Variants in PRELID2 observed in about 807,000 individuals in gnomAD.
PRELID2 encodes PRELI domain-containing protein 2.
PRELID2 carries 25 observed loss-of-function variants against 28.4 expected under a neutral mutation model. The observed-to-expected ratio is 0.88, with a 90% CI of 0.64 to 1.23. The LOEUF (loss-of-function observed/expected upper bound fraction) is 1.23. Among genes scored for constraint, PRELID2 ranks in the 50% most tolerant of loss-of-function variants. The pLI, the probability that PRELID2 is intolerant of heterozygous loss-of-function variation, is 0.00. For synonymous variants in PRELID2, 76 were observed against 71.6 expected, an observed-to-expected ratio of 1.06 and a Z score of -0.31; for missense variants, 201 against 214.4, an observed-to-expected ratio of 0.94 and a Z score of 0.39.
intron 5 of PRELID2, among the ~76,000 whole-genome samples, chr5:145,779,272 T>C (rs1243851048): frequency 1.3e-5 from 2 of 152,160 alleles, no homozygotes; most frequent in African/African-American, 4.8e-5. Context: ...ATAAAAAACA[T>C]ATTCAAAGGA....
chr5:145,630,315 G>A (rs79360320), intron 1 of PRELID2, among the ~76,000 whole-genome samples: 3,065 of 152,262 alleles, frequency 0.02, 112 homozygotes, highest in African/African-American at 0.07. Flanking sequence ...AGCACTGGGT[G>A]ACTATGGGAG....
rs1561666434 is a variant in PRELID2 at position 145,835,326 on chromosome 5, CGGA to C, written c.-78_-76del. 7.1e-6 allele frequency: 7 copies of C among 989,394 alleles called. No individual in the cohort carries two copies. The highest frequency in any genetic ancestry group is 1.1e-5 in the Non-Finnish European group (7 of 666,616). The allele number at this position is 989,394 out of a possible 1,614,324, so 61.3% of individuals were successfully genotyped here. A position where few individuals can be genotyped will look rare whatever the true frequency, so the allele number is the denominator to read the frequency against. Reference sequence around the variant, plus strand: ...AGCTGCCCAGGGCTCCGCAGAGGCCCGGAGGCGCCCACACTCGGACAGCCACAT... The same window carrying C: ...AGCTGCCCAGGGCTCCGCAGAGGCCCGGCGCCCACACTCGGACAGCCACAT... On this transcript the variant is annotated 5_prime_UTR_variant, in exon 1 of 7. Transcript: ENST00000683046.
intron 1 of PRELID2, among the ~76,000 whole-genome samples, chr5:145,482,762 C>A (rs1487464627): frequency 1.3e-5 from 2 of 151,746 alleles, no homozygotes; most frequent in Non-Finnish European, 2.9e-5. Flanking sequence ...TGTTTTCCTG[C>A]AACTAGATGG....
chr5:145,390,401 A>C, the PRELID2 span, among the ~76,000 whole-genome samples: 1 of 152,216 alleles, frequency 6.6e-6, no homozygotes, highest in Non-Finnish European at 1.5e-5. Flanking sequence ...ATCATGGTGG[A>C]CAAGGAAGCA....
At chr5:145,729,957 G>A (rs765418010) in intron 1 of PRELID2, among the ~76,000 whole-genome samples, 1 of 152,150 alleles carries the variant, frequency 6.6e-6, no homozygotes, top group Non-Finnish European at 1.5e-5. Context: ...AGGGAGCATT[G>A]CATTAAGCAC....
the PRELID2 span, among the ~76,000 whole-genome samples, chr5:145,454,902 GC>G: frequency 6.6e-6 from 1 of 152,142 alleles, no homozygotes; most frequent in African/African-American, 2.4e-5. Flanking sequence ...TGGATAGATT[GC>G]AAAAATTTTC....
the PRELID2 span, among the ~76,000 whole-genome samples, chr5:145,312,739 T>G: frequency 6.6e-6 from 1 of 152,180 alleles, no homozygotes; most frequent in African/African-American, 2.4e-5. Flanking sequence ...ATATACCACA[T>G]TTTCTTTATC....
chr5:145,230,227 A>G, the PRELID2 span, among the ~76,000 whole-genome samples: 4 of 152,226 alleles, frequency 2.6e-5, no homozygotes, highest in East Asian at 1.9e-4. Context: ...AAACATCATC[A>G]TGGAAGGGAA....
the PRELID2 span, among the ~76,000 whole-genome samples, chr5:145,451,677 C>A: frequency 6.6e-6 from 1 of 152,122 alleles, no homozygotes; most frequent in African/African-American, 2.4e-5. Flanking sequence ...AGATTAAAAT[C>A]TGCAGGGTTT....
the PRELID2 span, among the ~76,000 whole-genome samples, chr5:145,397,176 A>G: frequency 1.3e-5 from 2 of 152,148 alleles, no homozygotes; most frequent in African/African-American, 4.8e-5. Flanking sequence ...ATTAGATCTC[A>G]GGTCCACAAG....
the PRELID2 span, among the ~76,000 whole-genome samples, chr5:145,313,060 A>T: frequency 6.6e-6 from 1 of 152,150 alleles, no homozygotes; most frequent in African/African-American, 2.4e-5. Context: ...CAAAAAACCA[A>T]ATAGCCAAGT....
At chr5:145,468,604 G>A (rs547421546), downstream of PRELID2, among the ~76,000 whole-genome samples, 7 of 152,132 alleles carry the variant, frequency 4.6e-5, no homozygotes, top group South Asian at 4.1e-4. Context: ...TTTAATGATC[G>A]CCATTCTAAC....
At chr5:145,408,232 C>A in the PRELID2 span, among the ~76,000 whole-genome samples, 1 of 151,858 alleles carries the variant, frequency 6.6e-6, no homozygotes, top group Non-Finnish European at 1.5e-5. Flanking sequence ...GGTAATATGA[C>A]AAAACAAGGT....
intron 5 of PRELID2, among the ~76,000 whole-genome samples, chr5:145,766,630 T>C (rs946280672): frequency 6.6e-5 from 10 of 152,172 alleles, no homozygotes; most frequent in Non-Finnish European, 2.9e-5. Flanking sequence ...CTTGAGAGAA[T>C]GCTGAGTAGT....
intron 1 of PRELID2, among the ~76,000 whole-genome samples, chr5:145,675,737 G>A (rs972659449): frequency 3.3e-5 from 5 of 151,742 alleles, no homozygotes; most frequent in African/African-American, 1.2e-4. Context: ...AAGGATTATA[G>A]AAAAAAAATG....
the PRELID2 span, among the ~76,000 whole-genome samples, chr5:145,451,918 C>T: frequency 6.6e-6 from 1 of 152,154 alleles, no homozygotes; most frequent in South Asian, 2.1e-4. Context: ...GTGATGGTTG[C>T]TCTCAAAACA....
chr5:145,295,531 T>C, the PRELID2 span, among the ~76,000 whole-genome samples: 11 of 152,122 alleles, frequency 7.2e-5, no homozygotes, highest in Admixed American at 6.6e-4. Context: ...ATCCAAGTGT[T>C]GATATAGTAC....
At chr5:145,432,203 T>G in the PRELID2 span, among the ~76,000 whole-genome samples, 1 of 152,130 alleles carries the variant, frequency 6.6e-6, no homozygotes, top group South Asian at 2.1e-4. Context: ...GGTAGTCTAT[T>G]AGGAATTTTA....
chr5:145,431,962 T>G, the PRELID2 span, among the ~76,000 whole-genome samples: 1 of 152,262 alleles, frequency 6.6e-6, no homozygotes, highest in East Asian at 1.9e-4. Context: ...AGAGAAGAGA[T>G]AAATTATAAG....
Sources: allele counts gnomAD v4.1 joint callset (sites outside exome capture counted in the v4.1 genomes callset), GRCh38; gene constraint gnomAD v4.1.1; transcripts MANE v1.5; gene names NCBI Gene and HGNC (gene_info 2026-07-23, HGNC 2026-07-21).